The following HOMER1 variants were observed in gnomAD, a reference collection of about 807,000 sequenced individuals.
HOMER1 encodes homer scaffold protein 1.
HOMER1 carries 3 observed loss-of-function variants against 48.9 expected under a neutral mutation model. The observed-to-expected ratio is 0.06, with a 90% CI of 0.03 to 0.16. The LOEUF (loss-of-function observed/expected upper bound fraction) is 0.16. Ranked by LOEUF, HOMER1 falls within the 10% of genes least tolerant of loss-of-function variation. The pLI is 1.00. For missense variants in HOMER1, 247 were observed against 411.4 expected (o/e 0.60, Z 3.46); for synonymous variants, 134 against 146.4 (o/e 0.92, Z 0.61).
At chr5:79,475,291 T>TC (rs1751734272) in intron 1 of HOMER1, among the ~76,000 whole-genome samples, 1 of 152,150 alleles carries the variant, frequency 6.6e-6, no homozygotes, top group South Asian at 2.1e-4. Flanking sequence ...AGAGCCCGTA[T>TC]CTTTATCTTA....
At chr5:79,443,975 C>T (rs1750809174) in intron 4 of HOMER1, among the ~76,000 whole-genome samples, 1 of 152,162 alleles carries the variant, frequency 6.6e-6, no homozygotes. Flanking sequence ...CTAGGTTTGT[C>T]TGACTCAAAC....
intron 8 of HOMER1, among the ~76,000 whole-genome samples, chr5:79,385,569 C>T (rs561331554): frequency 2.9e-4 from 44 of 152,176 alleles, no homozygotes; most frequent in Admixed American, 8.5e-4. Context: ...TGGCCAGGTG[C>T]GATGGCTCAT....
At position 79,476,050 on chromosome 5, in the gene HOMER1, A is replaced by G. The variant is rs574094654; in HGVS notation, c.6-19032T>C. ...TCTTCACAGTTCTCTCACCGTTGTT[A>G]TTGAAATATTATACCTGACAACAGT... On this transcript the variant is annotated intron_variant, in intron 1 of 8. Transcript: ENST00000334082. Among the ~76,000 whole-genome samples the G allele has an allele frequency of 3.3e-5, 5 of 152,258 alleles. No homozygotes were observed. The South Asian group carries it at 1.0e-3, about 32-fold the overall frequency.
chr5:79,384,183 CAAAAAATAAAACA>C (rs1188115503), intron 8 of HOMER1, among the ~76,000 whole-genome samples: 1 of 148,118 alleles, frequency 6.8e-6, no homozygotes, highest in African/African-American at 2.5e-5. Flanking sequence ...AAACAAAGAC[CAAAAAATAAAACA>C]AAAAAATAAA....
intron 1 of HOMER1, among the ~76,000 whole-genome samples, chr5:79,490,792 A>AAAC (rs148573552): frequency 0.039 from 5,654 of 144,532 alleles, 259 homozygotes; most frequent in East Asian, 0.15. Flanking sequence ...AAAAAAAAAA[A>AAAC]CCATAAAAAA....
At chr5:79,482,036 T>C (rs73124110) in intron 1 of HOMER1, among the ~76,000 whole-genome samples, 12,190 of 151,778 alleles carry the variant, frequency 0.08, 1,088 homozygotes, top group East Asian at 0.23. Flanking sequence ...CTGGGCAACA[T>C]GGTGAAACCC....
chr5:79,490,121 C>A (rs1263035911), intron 1 of HOMER1, among the ~76,000 whole-genome samples: 3 of 152,206 alleles, frequency 2.0e-5, no homozygotes, highest in African/African-American at 4.8e-5. Context: ...TGCTGTCATA[C>A]TTCCAACATT....
chr5:79,497,399 CA>C (rs1752456963), intron 1 of HOMER1, among the ~76,000 whole-genome samples: 2 of 152,054 alleles, frequency 1.3e-5, no homozygotes, highest in African/African-American at 4.8e-5. Flanking sequence ...CCTGTAATCC[CA>C]GCACTTTGGG....
intron 5 of HOMER1, among the ~76,000 whole-genome samples, chr5:79,406,173 G>A (rs2112226587): frequency 6.6e-6 from 1 of 152,232 alleles, no homozygotes; most frequent in South Asian, 2.1e-4. Flanking sequence ...TATATGTTTA[G>A]AGTAGGTTAC....
chr5:79,412,548 T>C (rs1749838251), intron 5 of HOMER1, among the ~76,000 whole-genome samples: 4 of 152,194 alleles, frequency 2.6e-5, no homozygotes, highest in Admixed American at 2.6e-4. Flanking sequence ...ATGGGACAGA[T>C]GCAAATAGCC....
intron 1 of HOMER1, among the ~76,000 whole-genome samples, chr5:79,505,979 T>C (rs1252928858): frequency 6.6e-6 from 1 of 152,148 alleles, no homozygotes; most frequent in South Asian, 2.1e-4. Context: ...AAAACCTCAC[T>C]GAAAGAATAG....
intron 7 of HOMER1, 31 bp downstream of exon 7, chr5:79,397,496 A>G (rs748169322): frequency 6.8e-6 from 8 of 1,168,568 alleles, no homozygotes; most frequent in Non-Finnish European, 1.0e-5. Context: ...CATGTTAGCT[A>G]GATTACAGAT....
chr5:79,467,690 C>T (rs905023602), intron 1 of HOMER1, among the ~76,000 whole-genome samples: 1 of 152,162 alleles, frequency 6.6e-6, no homozygotes, highest in African/African-American at 2.4e-5. Flanking sequence ...TTGCTCAAAA[C>T]AAACAATAAA....
chr5:79,508,089 C>A (rs2112384788), intron 1 of HOMER1, among the ~76,000 whole-genome samples: 1 of 152,322 alleles, frequency 6.6e-6, no homozygotes, highest in East Asian at 1.9e-4. Context: ...CCACAGGATA[C>A]AAGACACAAA....
intron 1 of HOMER1, 59 bp downstream of exon 1, chr5:79,512,711 G>A (rs1369688859): frequency 9.9e-6 from 15 of 1,522,336 alleles, no homozygotes; most frequent in Admixed American, 1.7e-5. Context: ...CACCACCACC[G>A]CTCAATAATA....
intron 5 of HOMER1, among the ~76,000 whole-genome samples, chr5:79,417,306 C>CATTA (rs1342799184): frequency 6.6e-6 from 1 of 152,132 alleles, no homozygotes; most frequent in East Asian, 1.9e-4. Context: ...CCACGTCCGG[C>CATTA]TAATGTTTTG....
At chr5:79,434,255 T>C (rs1374931960) in intron 5 of HOMER1, among the ~76,000 whole-genome samples, 1 of 152,092 alleles carries the variant, frequency 6.6e-6, no homozygotes, top group Non-Finnish European at 1.5e-5. Flanking sequence ...CAGTATTACA[T>C]TGTGACAGCA....
chr5:79,455,682 A>C (rs190939699), intron 2 of HOMER1, among the ~76,000 whole-genome samples: 1 of 152,250 alleles, frequency 6.6e-6, no homozygotes, highest in Non-Finnish European at 1.5e-5. Flanking sequence ...CTGGCTCTAC[A>C]GTGTGTGCAC....
intron 1 of HOMER1, among the ~76,000 whole-genome samples, chr5:79,492,561 C>T: frequency 6.6e-6 from 1 of 151,926 alleles, no homozygotes; most frequent in Admixed American, 6.6e-5. Context: ...AGCGCAAGTG[C>T]TTCGCATGTG....
Sources: gnomAD v4.1 joint callset for allele counts (sites outside exome capture counted in the v4.1 genomes callset) on GRCh38, gnomAD v4.1.1 for gene constraint, MANE v1.5 for transcripts, NCBI Gene and HGNC (gene_info 2026-07-23, HGNC 2026-07-21) for gene names.